Variants in LEPR observed in about 807,000 individuals in gnomAD.
LEPR encodes the protein OB receptor.
A neutral mutation model predicts 114.7 loss-of-function variants in LEPR; 56 were observed. The ratio of observed to expected loss-of-function variants is 0.49; its 90% CI spans 0.39 to 0.61. The LOEUF (loss-of-function observed/expected upper bound fraction) is 0.61. Among genes scored for constraint, LEPR ranks in the 20% least tolerant of loss-of-function variants. LEPR has a pLI of 0.00. For synonymous variants in LEPR, 443 were observed against 461.4 expected, an observed-to-expected ratio of 0.96 and a Z score of 0.51; for missense variants, 1,202 against 1,352.9, an observed-to-expected ratio of 0.89 and a Z score of 1.75.
intron 5 of LEPR, among the ~76,000 whole-genome samples, chr1:65,582,833 AT>A: frequency 6.6e-6 from 1 of 152,292 alleles, no homozygotes; most frequent in East Asian, 1.9e-4. Context: ...AATAACTCCC[AT>A]TTAAAAAAAT....
intron 2 of LEPR, chr1:65,433,518 T>C: frequency 1.0e-6 from 1 of 985,416 alleles, no homozygotes; most frequent in Non-Finnish European, 1.2e-6. Flanking sequence ...CTGAAATACA[T>C]TCAAAACACT....
intron 1 of LEPR, among the ~76,000 whole-genome samples, chr1:65,422,000 CAG>C (rs1318276125): frequency 6.6e-6 from 1 of 152,144 alleles, no homozygotes; most frequent in Non-Finnish European, 1.5e-5. Context: ...TGGTGGGTGA[CAG>C]AGCTGGAAAT....
chr1:65,422,818 T>C (rs1361798042), intron 1 of LEPR, among the ~76,000 whole-genome samples: 14 of 152,182 alleles, frequency 9.2e-5, no homozygotes, highest in Non-Finnish European at 1.3e-4. Context: ...CAGGCGATGG[T>C]GAGCCTCCGT....
intron 2 of LEPR, among the ~76,000 whole-genome samples, chr1:65,445,984 G>A (rs1646709265): frequency 6.6e-6 from 1 of 152,268 alleles, no homozygotes; most frequent in East Asian, 1.9e-4. Context: ...TTCCAACTAA[G>A]AAAAGTATTG....
rs971248042 is a variant in LEPR at position 65,633,240 on chromosome 1, T to C, written c.2674-2951T>C. On this transcript the variant is annotated intron_variant, in intron 19 of 19. Transcript: ENST00000349533. This position sits in a 1 kb window ranked among gnomAD's most constrained non-coding sequence, Gnocchi z 4.1. ...CAACAGTCTATAGAGTATTAGAAGA[T>C]TTTTACATTTTGAAGAAGGGGAGCA... 2 of 1,579,834 alleles carry C rather than the reference T, an allele frequency of 1.3e-6. No individual in the cohort carries two copies. The highest frequency in any genetic ancestry group is 1.7e-6 in the Non-Finnish European group (2 of 1,166,836).
chr1:65,427,435 G>A (rs1002863074), intron 2 of LEPR, among the ~76,000 whole-genome samples: 1 of 152,152 alleles, frequency 6.6e-6, no homozygotes, highest in Non-Finnish European at 1.5e-5. Context: ...GCCAGGCATG[G>A]TGCCTGTAGC....
chr1:65,622,884 A>T, intron 18 of LEPR, 22 bp from the exon 19 acceptor site: 4 of 1,612,924 alleles, frequency 2.5e-6, no homozygotes, highest in Non-Finnish European at 3.4e-6. Context: ...TCTAATTTTG[A>T]TGCCCTGTTT....
chr1:65,489,471 T>C (rs1466946065), intron 2 of LEPR, among the ~76,000 whole-genome samples: 1 of 152,186 alleles, frequency 6.6e-6, no homozygotes, highest in Non-Finnish European at 1.5e-5. Context: ...GATTATTTGA[T>C]TTTCCTCCTA....
At chr1:65,615,971 C>T in intron 14 of LEPR, 37 bp from the exon 15 acceptor site, 2 of 1,611,906 alleles carry the variant, frequency 1.2e-6, no homozygotes, top group Non-Finnish European at 1.7e-6. Context: ...AAAAGCACTG[C>T]AGCCCTTAAA....
intron 5 of LEPR, among the ~76,000 whole-genome samples, chr1:65,591,719 T>A (rs1053303092): frequency 6.6e-6 from 1 of 152,048 alleles, no homozygotes; most frequent in Non-Finnish European, 1.5e-5. Flanking sequence ...ATAGTTAAAA[T>A]TGATTTCTTG....
chr1:65,447,325 A>C (rs1646726042), intron 2 of LEPR, among the ~76,000 whole-genome samples: 1 of 151,944 alleles, frequency 6.6e-6, no homozygotes. Flanking sequence ...TTCCTTGTAT[A>C]TTGAAATCCA....
At position 65,616,165 on chromosome 1, in the gene LEPR, A is replaced by G. The variant is rs1424702726; in HGVS notation, c.2153A>G (p.Asn718Ser). 1.2e-6 allele frequency: 2 copies of G among 1,614,142 alleles called. No homozygotes were observed. The highest frequency in any genetic ancestry group is 1.7e-5 in the Admixed American group (1 of 60,008). The change falls in exon 15 of 20, where the codon AAT becomes AGT. Residue 718 changes from asparagine (N) to serine (S), a missense_variant. Transcript: ENST00000349533. ...QAHTVTVLAI[N>S]SIGASVANFN... ...CATACTGTTACGGTTCTGGCCATCA[A>G]TTCAATTGGTGCTTCTGTTGCAAAT... is the stretch of plus-strand genomic sequence containing the variant.
At chr1:65,472,613 T>TAC (rs201774318) in intron 2 of LEPR, among the ~76,000 whole-genome samples, 1,595 of 93,546 alleles carry the variant, frequency 0.017, 22 homozygotes, top group Middle Eastern at 0.027. Flanking sequence ...TGTATATATA[T>TAC]AGACACACAC....
intron 2 of LEPR, among the ~76,000 whole-genome samples, chr1:65,462,314 C>A (rs1646955994): frequency 6.6e-6 from 1 of 152,174 alleles, no homozygotes; most frequent in Non-Finnish European, 1.5e-5. Context: ...CATGTCCCTG[C>A]AAACGACACG....
At chr1:65,564,753 C>A (rs977975262) in intron 2 of LEPR, among the ~76,000 whole-genome samples, 1 of 152,214 alleles carries the variant, frequency 6.6e-6, no homozygotes, top group African/African-American at 2.4e-5. Flanking sequence ...AGTCCCACAG[C>A]TGATTACCGG....
intron 2 of LEPR, among the ~76,000 whole-genome samples, chr1:65,545,880 C>T (rs1557652588): frequency 6.6e-6 from 1 of 151,744 alleles, no homozygotes; most frequent in Non-Finnish European, 1.5e-5. Context: ...GAAGTCCTTG[C>T]CCATGCCTAT....
At position 65,598,783 on chromosome 1, in the gene LEPR, C is replaced by T; in HGVS notation, c.973C>T (p.Pro325Ser). The T allele has an allele frequency of 1.2e-6, 2 of 1,613,326 alleles. No homozygotes were observed. Among genetic ancestry groups the T allele is most frequent in the Non-Finnish European group, 1.7e-6 (2 of 1,179,480 alleles). The change falls in exon 8 of 20, where the codon CCT becomes TCT. Residue 325 changes from proline (P) to serine (S), a missense_variant. Physicochemically the swap from Pro to Ser is moderately conservative, Grantham distance 74. Coordinates refer to ENST00000349533, the MANE Select transcript of LEPR (RefSeq NM_002303.6). ...GPGIWSDWSTPRVFTTQDVIY... is the reference protein window; with the variant it reads ...GPGIWSDWSTSRVFTTQDVIY... Reference sequence around the variant, plus strand: ...AGGAATCTGGAGTGACTGGAGTACTCCTCGTGTCTTTACCACACAAGGTAG... The same window carrying T: ...AGGAATCTGGAGTGACTGGAGTACTTCTCGTGTCTTTACCACACAAGGTAG...
intron 2 of LEPR, among the ~76,000 whole-genome samples, chr1:65,496,658 G>A (rs1215879500): frequency 6.6e-6 from 1 of 152,180 alleles, no homozygotes; most frequent in Non-Finnish European, 1.5e-5. Flanking sequence ...GAAAGTTCAT[G>A]TGTACTGTAC....
chr1:65,470,969 C>G (rs1413984927), intron 2 of LEPR, among the ~76,000 whole-genome samples: 1 of 152,090 alleles, frequency 6.6e-6, no homozygotes, highest in African/African-American at 2.4e-5. Flanking sequence ...GTCTTCTTCA[C>G]GTGGTTCAAA....
Sources: allele counts gnomAD v4.1 joint callset (sites outside exome capture counted in the v4.1 genomes callset), GRCh38; gene constraint gnomAD v4.1.1; non-coding constraint Gnocchi (gnomAD v3.1); transcripts MANE v1.5; gene names NCBI Gene and HGNC (gene_info 2026-07-23, HGNC 2026-07-21).